Variants in ERBB4 observed in about 807,000 individuals in gnomAD.
ERBB4 encodes the protein erb-b2 receptor tyrosine kinase 4.
Under a neutral mutation model 158.0 loss-of-function variants are expected in ERBB4, and 42 were observed. The ratio of observed to expected loss-of-function variants is 0.27; its 90% CI spans 0.21 to 0.34. The LOEUF is 0.34. Among genes scored for constraint, ERBB4 ranks in the 10% least tolerant of loss-of-function variants. ERBB4 has a pLI of 1.00. For synonymous variants in ERBB4, 583 were observed against 558.7 expected, an observed-to-expected ratio of 1.04 and a Z score of -0.61; for missense variants, 1,333 against 1,624.1, an observed-to-expected ratio of 0.82 and a Z score of 3.08.
chr2:211,974,724 T>C (rs549513391), intron 2 of ERBB4, among the ~76,000 whole-genome samples: 2 of 152,294 alleles, frequency 1.3e-5, no homozygotes, highest in African/African-American at 4.8e-5. Context: ...ATTGTTCCAC[T>C]GCAGTCCCAC....
At chr2:212,536,147 C>T (rs1412829299) in intron 1 of ERBB4, among the ~76,000 whole-genome samples, 1 of 152,114 alleles carries the variant, frequency 6.6e-6, no homozygotes, top group Non-Finnish European at 1.5e-5. Flanking sequence ...CTGCTAACCG[C>T]GAGAGGGGAG....
chr2:211,478,941 A>G (rs905594690), intron 20 of ERBB4, among the ~76,000 whole-genome samples: 44 of 152,022 alleles, frequency 2.9e-4, no homozygotes, highest in African/African-American at 1.0e-3. Flanking sequence ...TCCCAACTAC[A>G]TCCTCGGTTT....
chr2:211,569,202 A>G (rs1227520897), intron 19 of ERBB4, among the ~76,000 whole-genome samples: 3 of 152,228 alleles, frequency 2.0e-5, no homozygotes, highest in Admixed American at 6.5e-5. Context: ...TTTAGTCACT[A>G]ACACTGCCAC....
chr2:211,433,634 A>AAAAC (rs1162267729), intron 20 of ERBB4, among the ~76,000 whole-genome samples: 4 of 152,180 alleles, frequency 2.6e-5, no homozygotes, highest in African/African-American at 9.7e-5. Flanking sequence ...TGGATTCTTG[A>AAAAC]AAACACCACT....
chr2:212,367,165 G>A (rs1222891968), intron 1 of ERBB4, among the ~76,000 whole-genome samples: 2 of 152,002 alleles, frequency 1.3e-5, no homozygotes, highest in South Asian at 2.1e-4. Flanking sequence ...CAAGTCAAAG[G>A]AGAGTCCTCA....
At chr2:211,974,395 A>T in intron 2 of ERBB4, among the ~76,000 whole-genome samples, 1 of 152,202 alleles carries the variant, frequency 6.6e-6, no homozygotes, top group East Asian at 1.9e-4. Context: ...AGGAGGTGAC[A>T]TGGAAGAATA....
At chr2:211,876,307 T>C (rs1303005051) in intron 3 of ERBB4, among the ~76,000 whole-genome samples, 1 of 152,152 alleles carries the variant, frequency 6.6e-6, no homozygotes, top group African/African-American at 2.4e-5. Context: ...AATTTTACTC[T>C]AACTCTATCT....
Position 211,696,836 on chromosome 2 carries a change from A to G in ERBB4, c.1489+5131T>C, listed in dbSNP as rs886121820. 2.0e-5 allele frequency among the ~76,000 whole-genome samples: 3 copies of G among 151,876 alleles called. 1 individual carries two copies. The South Asian group carries it at 6.3e-4, about 32-fold the overall frequency. The stretch of plus-strand genomic sequence containing the variant: ...AGGCACCTGCCACCATGTCTGGCTA[A>G]TTTTTGTATTTTTACTAGAGACGGG... On this transcript the variant is annotated intron_variant, in intron 12 of 27. Coordinates refer to ENST00000342788, the MANE Select transcript of ERBB4 (RefSeq NM_005235.3).
chr2:211,427,924 A>G (rs1214542503), intron 22 of ERBB4, among the ~76,000 whole-genome samples: 3 of 146,190 alleles, frequency 2.1e-5, no homozygotes, highest in Non-Finnish European at 3.0e-5. Context: ...TTAGTATATT[A>G]CATTGTAATA....
intron 2 of ERBB4, among the ~76,000 whole-genome samples, chr2:211,950,972 T>C (rs1050792899): frequency 6.6e-5 from 10 of 152,200 alleles, no homozygotes; most frequent in Admixed American, 1.3e-4. Flanking sequence ...ACATACATTC[T>C]GACATCATAT....
At chr2:211,627,619 C>G (rs2069913056) in intron 17 of ERBB4, among the ~76,000 whole-genome samples, 1 of 152,098 alleles carries the variant, frequency 6.6e-6, no homozygotes, top group Non-Finnish European at 1.5e-5. Context: ...ATTAAAATTC[C>G]CATTCCTCCC....
intron 1 of ERBB4, among the ~76,000 whole-genome samples, chr2:212,538,193 C>T (rs1301996735): frequency 6.6e-6 from 1 of 152,062 alleles, no homozygotes; most frequent in Non-Finnish European, 1.5e-5. Flanking sequence ...CCAAACAAAA[C>T]GCTCGGGAAA....
chr2:212,317,037 G>C (rs1206162692), intron 1 of ERBB4, among the ~76,000 whole-genome samples: 2 of 151,330 alleles, frequency 1.3e-5, no homozygotes, highest in East Asian at 2.0e-4. Flanking sequence ...TTCTTTATTT[G>C]ATATTTTCAA....
intron 1 of ERBB4, among the ~76,000 whole-genome samples, chr2:212,463,328 A>G (rs939036537): frequency 2.6e-5 from 4 of 152,126 alleles, no homozygotes; most frequent in African/African-American, 9.7e-5. Context: ...TGATCACTAC[A>G]TATTGTGTAA....
rs1553656326 is a variant in ERBB4, at chr2:212,513,814, A to AAATAAATAAATAAATAAAT, written c.82+24634_82+24635insATTTATTTATTTATTTATT. Among the ~76,000 whole-genome samples the AAATAAATAAATAAATAAAT allele has an allele frequency of 7.9e-3, 1,198 of 151,884 alleles. 14 individuals are homozygous for AAATAAATAAATAAATAAAT. The highest frequency in any genetic ancestry group is 0.028 in the African/African-American group (1,144 of 41,226). On this transcript the variant is annotated intron_variant, in intron 1 of 27. Transcript: ENST00000342788. ...GCGACACGGCGAGACTCCGTCTCAA[A>AAATAAATAAATAAATAAAT]AAATAAATAAATAAATAAATAAAAA...
At chr2:211,532,199 A>G (rs895199137) in intron 20 of ERBB4, among the ~76,000 whole-genome samples, 4 of 152,092 alleles carry the variant, frequency 2.6e-5, no homozygotes, top group African/African-American at 9.6e-5. Context: ...AATAGATAGA[A>G]TGAATAAAAC....
At chr2:212,179,194 A>G (rs2081774397) in intron 1 of ERBB4, among the ~76,000 whole-genome samples, 1 of 151,596 alleles carries the variant, frequency 6.6e-6, no homozygotes, top group African/African-American at 2.4e-5. Flanking sequence ...TGAAATCAAA[A>G]AGCCTGTTTT....
At chr2:212,112,698 G>A (rs1286569769) in intron 2 of ERBB4, among the ~76,000 whole-genome samples, 2 of 152,092 alleles carry the variant, frequency 1.3e-5, no homozygotes, top group African/African-American at 2.4e-5. Context: ...CTTATTCATA[G>A]GGTTGTAATA....
intron 1 of ERBB4, among the ~76,000 whole-genome samples, chr2:212,194,291 T>C (rs367976782): frequency 2.6e-4 from 38 of 148,728 alleles, no homozygotes; most frequent in Non-Finnish European, 4.8e-4. Flanking sequence ...AAATAGTTTA[T>C]ACACACACAC....
Sources: allele counts gnomAD v4.1 joint callset (sites outside exome capture counted in the v4.1 genomes callset), GRCh38; gene constraint gnomAD v4.1.1; transcripts MANE v1.5; gene names NCBI Gene and HGNC (gene_info 2026-07-23, HGNC 2026-07-21).